SH3RF1: variants seen among roughly 807,000 people sequenced by gnomAD.
SH3RF1 encodes E3 ubiquitin-protein ligase SH3RF1.
Under a neutral mutation model 74.0 loss-of-function variants are expected in SH3RF1, and 32 were observed. The observed-to-expected ratio is 0.43, with a 90% CI of 0.33 to 0.58. The LOEUF (loss-of-function observed/expected upper bound fraction) is 0.58. Ranked by LOEUF, SH3RF1 falls within the 20% of genes least tolerant of loss-of-function variation. The pLI is 0.05. For synonymous variants in SH3RF1, 396 were observed against 439.6 expected (o/e 0.90, Z 1.24); for missense variants, 954 against 1,130.9 (o/e 0.84, Z 2.24).
intron 11 of SH3RF1, among the ~76,000 whole-genome samples, chr4:169,104,684 C>T (rs1315686610): frequency 6.6e-6 from 1 of 152,060 alleles, no homozygotes; most frequent in Non-Finnish European, 1.5e-5. Flanking sequence ...GGTGAATTGC[C>T]TGAGCTCAGG....
chr4:169,102,444 C>G (rs954360933), intron 11 of SH3RF1, among the ~76,000 whole-genome samples: 1 of 151,324 alleles, frequency 6.6e-6, no homozygotes, highest in Non-Finnish European at 1.5e-5. Flanking sequence ...GTATGTGGTT[C>G]TCAGTTTAAT....
chr4:169,211,262 C>A (rs1429010641), intron 2 of SH3RF1, among the ~76,000 whole-genome samples: 1 of 152,058 alleles, frequency 6.6e-6, no homozygotes, highest in Non-Finnish European at 1.5e-5. Flanking sequence ...GCGGGCAGAT[C>A]ATGAGTTCAG....
At chr4:169,238,145 T>A (rs1411506028) in intron 2 of SH3RF1, among the ~76,000 whole-genome samples, 2 of 152,224 alleles carry the variant, frequency 1.3e-5, no homozygotes, top group Non-Finnish European at 2.9e-5. Flanking sequence ...TGTAATACTC[T>A]AATGCAATAT....
rs1732881032 is a variant in SH3RF1, at chr4:169,094,589, T to G, written c.*1930A>C. The G allele has an allele frequency of 6.6e-6, 1 of 152,210 alleles. No individual in the cohort carries two copies. The highest frequency in any genetic ancestry group is 1.5e-5 in the Non-Finnish European group (1 of 68,010). The allele number at this position is 152,210 out of a possible 1,614,324, so 9.4% of individuals were successfully genotyped here. A position where few individuals can be genotyped will look rare whatever the true frequency, so the allele number is the denominator to read the frequency against. ...GTAGTCTTTTTTCTTTTTAAAATTT[T>G]TATAAAATACACTAATTTCCCAAAA... On this transcript the variant is annotated 3_prime_UTR_variant, in exon 12 of 12. Coordinates refer to ENST00000284637, the MANE Select transcript of SH3RF1 (RefSeq NM_020870.4).
chr4:169,126,797 C>T (rs6832721), intron 6 of SH3RF1, among the ~76,000 whole-genome samples: 7,015 of 151,938 alleles, frequency 0.046, 547 homozygotes, highest in African/African-American at 0.16. Context: ...TTCTATGTTG[C>T]CCATGCTGGT....
chr4:169,232,511 A>G (rs1730760315), intron 2 of SH3RF1, among the ~76,000 whole-genome samples: 2 of 152,232 alleles, frequency 1.3e-5, no homozygotes, highest in African/African-American at 4.8e-5. Flanking sequence ...AATGGCCTCC[A>G]GAATCCAAGA....
At chr4:169,141,993 T>C (rs2126957080) in intron 4 of SH3RF1, among the ~76,000 whole-genome samples, 1 of 152,122 alleles carries the variant, frequency 6.6e-6, no homozygotes, top group African/African-American at 2.4e-5. Flanking sequence ...TGTTTTTGTA[T>C]TTTTTTAGTA....
chr4:169,256,309 G>A (rs1471792405), intron 2 of SH3RF1, among the ~76,000 whole-genome samples: 1 of 151,842 alleles, frequency 6.6e-6, no homozygotes, highest in Non-Finnish European at 1.5e-5. Context: ...AAGGGAAGGA[G>A]GAAGGAAGGG....
intron 7 of SH3RF1, among the ~76,000 whole-genome samples, chr4:169,121,817 T>C (rs1037977854): frequency 1.3e-5 from 2 of 152,212 alleles, no homozygotes; most frequent in African/African-American, 4.8e-5. Context: ...CTAGTATTCT[T>C]ATGCAAGAAA....
At position 169,158,062 on chromosome 4, in the gene SH3RF1, A is replaced by C. The variant is rs1332740589; in HGVS notation, c.394-1383T>G. On this transcript the variant is annotated intron_variant, in intron 2 of 11. Transcript: ENST00000284637. ...TGCAAGCTTTTACTTTTTACCACGC[A>C]ATGTGCAAGTGCTGATGACTTAAAG... 2.0e-5 allele frequency among the ~76,000 whole-genome samples: 3 copies of C among 152,222 alleles called. No individual in the cohort carries two copies. In the East Asian group the frequency reaches 5.8e-4, roughly 29 times the overall value.
intron 2 of SH3RF1, among the ~76,000 whole-genome samples, chr4:169,198,610 T>A (rs1228344122): frequency 1.3e-5 from 2 of 152,276 alleles, no homozygotes; most frequent in East Asian, 3.9e-4. Flanking sequence ...TGAACTTTTT[T>A]AGAGCATCTA....
intron 2 of SH3RF1, among the ~76,000 whole-genome samples, chr4:169,221,597 CT>C (rs891100644): frequency 6.6e-6 from 1 of 152,130 alleles, no homozygotes; most frequent in Non-Finnish European, 1.5e-5. Context: ...CTAAAACGTT[CT>C]TTATGATAGC....
chr4:169,109,111 T>C (rs1172469887), intron 10 of SH3RF1, among the ~76,000 whole-genome samples: 3 of 152,182 alleles, frequency 2.0e-5, no homozygotes, highest in Admixed American at 6.5e-5. Context: ...AAGAATAATG[T>C]CCAGTAGCTT....
chr4:169,140,978 T>A (rs1733775489), intron 4 of SH3RF1, among the ~76,000 whole-genome samples: 1 of 150,166 alleles, frequency 6.7e-6, no homozygotes. Context: ...GTTTTGTTTT[T>A]TCTTTTCTTT....
At chr4:169,158,966 G>T (rs1318391316) in intron 2 of SH3RF1, among the ~76,000 whole-genome samples, 1 of 152,146 alleles carries the variant, frequency 6.6e-6, no homozygotes, top group Non-Finnish European at 1.5e-5. Flanking sequence ...GTTGTAGTTG[G>T]TTAATTAGAA....
At chr4:169,201,278 A>G (rs1734903722) in intron 2 of SH3RF1, among the ~76,000 whole-genome samples, 1 of 152,216 alleles carries the variant, frequency 6.6e-6, no homozygotes, top group Non-Finnish European at 1.5e-5. Context: ...ACAATTGACG[A>G]ATACTTATTC....
chr4:169,191,416 C>A (rs990425488), intron 2 of SH3RF1, among the ~76,000 whole-genome samples: 5 of 151,670 alleles, frequency 3.3e-5, no homozygotes, highest in Non-Finnish European at 7.4e-5. Context: ...AATGGAAACA[C>A]ATCCCATGCT....
chr4:169,232,283 T>C (rs986684519), intron 2 of SH3RF1, among the ~76,000 whole-genome samples: 1 of 152,204 alleles, frequency 6.6e-6, no homozygotes, highest in Non-Finnish European at 1.5e-5. Context: ...AAGACCGCCA[T>C]AGCAATGTGA....
At chr4:169,101,692 A>G (rs898530734) in intron 11 of SH3RF1, among the ~76,000 whole-genome samples, 2 of 150,582 alleles carry the variant, frequency 1.3e-5, no homozygotes, top group African/African-American at 4.9e-5. Context: ...AAAAAAAAAG[A>G]AAGGAAAAAT....
Sources: gnomAD v4.1 joint callset for allele counts (sites outside exome capture counted in the v4.1 genomes callset) on GRCh38, gnomAD v4.1.1 for gene constraint, MANE v1.5 for transcripts, NCBI Gene and HGNC (gene_info 2026-07-23, HGNC 2026-07-21) for gene names.